SGCZ: variants seen among roughly 807,000 people sequenced by gnomAD.
SGCZ encodes zeta-sarcoglycan.
Under a neutral mutation model 41.3 loss-of-function variants are expected in SGCZ, and 40 were observed. The ratio of observed to expected loss-of-function variants is 0.97; its 90% confidence interval spans 0.75 to 1.26. The LOEUF is 1.26. SGCZ is among the 50% of genes most tolerant of loss of function. The probability of loss-of-function intolerance (pLI) is 0.00; values close to 1 mark genes in which losing one functional copy is unlikely to be tolerated. For synonymous variants in SGCZ, 206 were observed against 137.5 expected, an observed-to-expected ratio of 1.50 and a Z score of -3.49; for missense variants, 552 against 369.8, an observed-to-expected ratio of 1.49 and a Z score of -4.04.
intron 1 of SGCZ, among the ~76,000 whole-genome samples, chr8:14,598,114 C>T (rs1289452002): frequency 6.6e-6 from 1 of 151,958 alleles, no homozygotes; most frequent in African/African-American, 2.4e-5. Context: ...GCAATGGCCA[C>T]CTCAGATAAA....
chr8:14,894,593 C>T (rs947598812), intron 1 of SGCZ, among the ~76,000 whole-genome samples: 11 of 152,100 alleles, frequency 7.2e-5, no homozygotes, highest in African/African-American at 2.2e-4. Context: ...ACACTGAAGA[C>T]ACAGTTTTTC....
intron 1 of SGCZ, among the ~76,000 whole-genome samples, chr8:14,841,927 C>T (rs908049577): frequency 2.6e-5 from 4 of 152,090 alleles, no homozygotes; most frequent in Admixed American, 1.3e-4. Context: ...ATGGATTTGG[C>T]TTCCATAATA....
chr8:14,627,229 A>T (rs970995291), intron 1 of SGCZ, among the ~76,000 whole-genome samples: 3 of 152,206 alleles, frequency 2.0e-5, no homozygotes, highest in Non-Finnish European at 2.9e-5. Context: ...GTACACGAAG[A>T]CACCACACAG....
At chr8:14,702,990 T>G (rs367690203) in intron 1 of SGCZ, among the ~76,000 whole-genome samples, 1 of 148,944 alleles carries the variant, frequency 6.7e-6, no homozygotes, top group African/African-American at 2.4e-5. Flanking sequence ...GACAGACAGA[T>G]AGATTTATTT....
chr8:14,470,401 T>A (rs191931447), intron 2 of SGCZ, among the ~76,000 whole-genome samples: 3 of 152,312 alleles, frequency 2.0e-5, no homozygotes, highest in African/African-American at 7.2e-5. Flanking sequence ...TATTCATCTC[T>A]ATGAGGTAGA....
intron 2 of SGCZ, among the ~76,000 whole-genome samples, chr8:14,434,892 C>T (rs116693473): frequency 6.6e-6 from 1 of 152,036 alleles, no homozygotes; most frequent in African/African-American, 2.4e-5. Flanking sequence ...GTGATCGTGC[C>T]ACTGCACTCA....
chr8:14,290,137 A>G (rs1217149381), intron 3 of SGCZ, among the ~76,000 whole-genome samples: 3 of 152,056 alleles, frequency 2.0e-5, no homozygotes, highest in Non-Finnish European at 2.9e-5. Flanking sequence ...ACAGAGCCAA[A>G]CTGTATTAAG....
chr8:15,217,218 CCAT>C (rs1423711393), intron 1 of SGCZ, among the ~76,000 whole-genome samples: 1 of 151,546 alleles, frequency 6.6e-6, no homozygotes, highest in Non-Finnish European at 1.5e-5. Context: ...GAGATCGAGA[CCAT>C]CTTGGCTAAC....
intron 1 of SGCZ, among the ~76,000 whole-genome samples, chr8:15,125,307 T>A (rs111619897): frequency 6.6e-6 from 1 of 152,210 alleles, no homozygotes; most frequent in African/African-American, 2.4e-5. Context: ...TCTACACTCA[T>A]CTACCCTTAT....
At chr8:14,093,587 G>A (rs1366457952) in intron 7 of SGCZ, among the ~76,000 whole-genome samples, 1 of 152,062 alleles carries the variant, frequency 6.6e-6, no homozygotes, top group African/African-American at 2.4e-5. Context: ...AATGAGTGGG[G>A]GGAGATATTA....
At chr8:14,490,441 T>A (rs1801810817) in intron 2 of SGCZ, among the ~76,000 whole-genome samples, 1 of 152,148 alleles carries the variant, frequency 6.6e-6, no homozygotes, top group African/African-American at 2.4e-5. Context: ...ATATTTTGAG[T>A]ATGATAAGTG....
intron 4 of SGCZ, among the ~76,000 whole-genome samples, chr8:14,220,367 T>C (rs1452439856): frequency 6.6e-6 from 1 of 151,884 alleles, no homozygotes; most frequent in Non-Finnish European, 1.5e-5. Flanking sequence ...ATATGTGAAT[T>C]TATTTATATA....
intron 1 of SGCZ, among the ~76,000 whole-genome samples, chr8:15,105,520 G>A (rs576106258): frequency 6.6e-6 from 1 of 152,012 alleles, no homozygotes; most frequent in African/African-American, 2.4e-5. Flanking sequence ...AGCTAAGGCC[G>A]AAGTGATACC....
rs1014179163 is a variant in SGCZ at position 14,582,903 on chromosome 8, T to C, written c.40-27977A>G. 5.9e-5 allele frequency among the ~76,000 whole-genome samples: 9 copies of C among 151,932 alleles called. 1 individual carries two copies. The highest frequency in any genetic ancestry group is 2.2e-4 in the African/African-American group (9 of 41,410). On this transcript the variant is annotated intron_variant, in intron 1 of 7. Coordinates refer to ENST00000382080, the MANE Select transcript of SGCZ (RefSeq NM_139167.4). ...TGTGCCACATTTTCTTAATCCAGTC[T>C]ATCATTGTTGGACATTTGGGTTGGT...
At chr8:14,435,560 CT>C (rs1192088985) in intron 2 of SGCZ, among the ~76,000 whole-genome samples, 1 of 152,172 alleles carries the variant, frequency 6.6e-6, no homozygotes, top group African/African-American at 2.4e-5. Context: ...AAAGCAACTT[CT>C]GAGCCACGAT....
At position 14,659,924 on chromosome 8, in the gene SGCZ, G is replaced by A. The variant is rs374330638; in HGVS notation, c.40-104998C>T. On this transcript the variant is annotated intron_variant, in intron 1 of 7. Coordinates refer to ENST00000382080, the MANE Select transcript of SGCZ (RefSeq NM_139167.4). ...TATGACTGATGTAATTCTAAAAAGG[G>A]GAAATTTGCACCCAGTGAGAATGGC... Among the ~76,000 whole-genome samples the A allele has an allele frequency of 9.1e-4, 138 of 152,198 alleles. 1 individual carries two copies. The highest frequency in any genetic ancestry group is 3.2e-3 in the African/African-American group (135 of 41,540).
intron 1 of SGCZ, among the ~76,000 whole-genome samples, chr8:14,909,785 C>T (rs1476850051): frequency 6.6e-6 from 1 of 152,114 alleles, no homozygotes; most frequent in Non-Finnish European, 1.5e-5. Flanking sequence ...TCAAAGCACT[C>T]TGGTTTGTCC....
intron 1 of SGCZ, among the ~76,000 whole-genome samples, chr8:14,925,082 T>G (rs1799706715): frequency 6.6e-6 from 1 of 152,118 alleles, no homozygotes; most frequent in African/African-American, 2.4e-5. Context: ...GCTCTCGAAC[T>G]CCTGAGCTTA....
chr8:15,022,995 A>G lies in SGCZ; in HGVS notation c.39+214590T>C, dbSNP rs79461098. 6.9e-3 allele frequency among the ~76,000 whole-genome samples: 1,053 copies of G among 152,208 alleles called. 12 individuals are homozygous for G. Among genetic ancestry groups the G allele is most frequent in the African/African-American group, 0.024 (1,013 of 41,536 alleles). On this transcript the variant is annotated intron_variant, in intron 1 of 7. Transcript: ENST00000382080. ...GGATTTGTCAGCCCTATACTAAATG[A>G]CCTTAAACTACTGTGGGCATTTTCT...
Sources: allele counts gnomAD v4.1 joint callset (sites outside exome capture counted in the v4.1 genomes callset), GRCh38; gene constraint gnomAD v4.1.1; transcripts MANE v1.5; gene names NCBI Gene and HGNC (gene_info 2026-07-23, HGNC 2026-07-21).